PATJ: variants seen among roughly 807,000 people sequenced by gnomAD.
The protein encoded by PATJ is inaD-like protein.
Under a neutral mutation model 224.9 loss-of-function variants are expected in PATJ, and 190 were observed. That is an observed-to-expected ratio of 0.84 (90% CI 0.75 to 0.95). PATJ has a LOEUF of 0.95. Ranked by LOEUF, PATJ falls within the 40% of genes least tolerant of loss-of-function variation. The probability of loss-of-function intolerance (pLI) is 0.00; values close to 1 mark genes in which losing one functional copy is unlikely to be tolerated. For missense variants in PATJ, 2,121 were observed against 2,270.3 expected (o/e 0.93, Z 1.34); for synonymous variants, 769 against 820.3 (o/e 0.94, Z 1.07).
chr1:61,814,493 C>T (rs1389285069), intron 14 of PATJ, among the ~76,000 whole-genome samples: 1 of 150,118 alleles, frequency 6.7e-6, no homozygotes, highest in Non-Finnish European at 1.5e-5. Flanking sequence ...TATGTATTTG[C>T]AGTCAGTATT....
intron 21 of PATJ, among the ~76,000 whole-genome samples, chr1:61,880,658 GTTA>G (rs1359262331): frequency 1.3e-5 from 2 of 152,196 alleles, no homozygotes; most frequent in South Asian, 4.1e-4. Context: ...TAAAAGCTAT[GTTA>G]TTATTACTCA....
intron 29 of PATJ, among the ~76,000 whole-genome samples, chr1:62,029,049 T>C (rs1230856731): frequency 1.3e-5 from 2 of 152,172 alleles, no homozygotes; most frequent in African/African-American, 4.8e-5. Flanking sequence ...TTGGTTAATA[T>C]GTCTATCTTT....
intron 27 of PATJ, among the ~76,000 whole-genome samples, chr1:61,988,151 A>C (rs12563258): frequency 6.8e-4 from 103 of 152,274 alleles, no homozygotes; most frequent in African/African-American, 2.4e-3. Context: ...CTGACCCAAG[A>C]TCGCACCACT....
intron 31 of PATJ, among the ~76,000 whole-genome samples, chr1:62,076,983 T>A (rs1658409106): frequency 6.6e-6 from 1 of 152,188 alleles, no homozygotes; most frequent in African/African-American, 2.4e-5. Context: ...GTCTCCAAAG[T>A]GTCAGAGACC....
intron 33 of PATJ, among the ~76,000 whole-genome samples, chr1:62,096,185 G>A (rs943125765): frequency 3.3e-5 from 5 of 152,198 alleles, no homozygotes. Flanking sequence ...AAGAAGTATG[G>A]GAACTGAAAC....
At chr1:61,966,136 G>T (rs1341050590) in intron 27 of PATJ, among the ~76,000 whole-genome samples, 2 of 152,080 alleles carry the variant, frequency 1.3e-5, no homozygotes, top group African/African-American at 4.8e-5. Context: ...TCCTGACCTT[G>T]TGATCCACCC....
chr1:61,754,523 T>G (rs967879069), intron 1 of PATJ, among the ~76,000 whole-genome samples: 5,511 of 56,486 alleles, frequency 0.098, 308 homozygotes, highest in African/African-American at 0.24. Flanking sequence ...TTTGCATGTT[T>G]TTTTTTTTTT....
chr1:61,825,206 T>C (rs1221882049), intron 15 of PATJ, among the ~76,000 whole-genome samples: 1 of 152,206 alleles, frequency 6.6e-6, no homozygotes, highest in Non-Finnish European at 1.5e-5. Flanking sequence ...ATTATCACTG[T>C]GAAGAAGGCA....
At chr1:61,943,753 GA>G (rs1228570538) in intron 27 of PATJ, among the ~76,000 whole-genome samples, 1 of 152,212 alleles carries the variant, frequency 6.6e-6, no homozygotes, top group East Asian at 1.9e-4. Flanking sequence ...TCCCACCACA[GA>G]GTTTGAGATC....
rs71050181 is a variant in PATJ at position 61,910,536 on chromosome 1, CTTTTT to C, written c.3492+2078_3492+2082del. Among the ~76,000 whole-genome samples, 291 of 42,238 alleles carry C rather than the reference CTTTTT, an allele frequency of 6.9e-3. 1 individual carries two copies. Among genetic ancestry groups the C allele is most frequent in the African/African-American group, 0.022 (258 of 11,668 alleles). The allele number at this position is 42,238 out of a possible 152,430, so 27.7% of individuals were successfully genotyped here. A position where few individuals can be genotyped will look rare whatever the true frequency, so the allele number is the denominator to read the frequency against. The stretch of plus-strand genomic sequence containing the variant: ...ACTTTGTTTATAGGGCAAAGTGACT[CTTTTT>C]TTTTTTTTTTTTTTTTTTTTTTTGG... On this transcript the variant is annotated intron_variant, in intron 25 of 43. Transcript: ENST00000642238.
At chr1:61,925,379 A>G (rs747585137) in intron 26 of PATJ, among the ~76,000 whole-genome samples, 1 of 152,204 alleles carries the variant, frequency 6.6e-6, no homozygotes, top group Non-Finnish European at 1.5e-5. Flanking sequence ...CCCAACAAAT[A>G]ACTCTAAATG....
rs766727754 is a variant in PATJ at position 62,030,837 on chromosome 1, G to A, written c.3960-7140G>A. Reference sequence around the variant, plus strand: ...CATTTTTGAGATTTATCCATGTCGTGTTTATCAAAAGTTTGTTCCTTTAAT... The same window carrying A: ...CATTTTTGAGATTTATCCATGTCGTATTTATCAAAAGTTTGTTCCTTTAAT... On this transcript the variant is annotated intron_variant, in intron 29 of 43. Transcript: ENST00000642238. 1.2e-4 allele frequency among the ~76,000 whole-genome samples: 19 copies of A among 152,214 alleles called. No individual in the cohort carries two copies. In the Middle Eastern group the frequency reaches 0.014, roughly 109 times the overall value.
At chr1:62,146,857 G>C (rs576873445) in intron 41 of PATJ, among the ~76,000 whole-genome samples, 2 of 152,198 alleles carry the variant, frequency 1.3e-5, no homozygotes, top group East Asian at 3.9e-4. Context: ...GGTTGTGAGA[G>C]ACAGAGATGA....
At position 62,041,319 on chromosome 1, in the gene PATJ, C is replaced by T. The variant is rs558646951; in HGVS notation, c.4032+3270C>T. 1.7e-3 allele frequency among the ~76,000 whole-genome samples: 265 copies of T among 152,316 alleles called. 1 individual carries two copies. Among genetic ancestry groups the T allele is most frequent in the Middle Eastern group, 6.8e-3 (2 of 294 alleles). The stretch of plus-strand genomic sequence containing the variant: ...AGAGCAGAGGGTTTTCCTGCATCTG[C>T]TTCTTCCTAATTGCCTTCAGCTCAT... On this transcript the variant is annotated intron_variant, in intron 30 of 43. Coordinates refer to ENST00000642238, the MANE Select transcript of PATJ (RefSeq NM_001350145.3).
chr1:62,098,374 A>G (rs1661662203), intron 33 of PATJ, among the ~76,000 whole-genome samples: 1 of 151,396 alleles, frequency 6.6e-6, no homozygotes, highest in African/African-American at 2.4e-5. Flanking sequence ...AAAAAAGAAA[A>G]AAGAAAAAAA....
At chr1:62,026,488 C>G (rs11577208) in intron 29 of PATJ, among the ~76,000 whole-genome samples, 24,272 of 69,202 alleles carry the variant, frequency 0.35, 2,212 homozygotes, top group African/African-American at 0.5. Context: ...GTGTGTGTGT[C>G]TGTGTGTGTG....
chr1:61,780,175 C>T (rs1382958557), intron 7 of PATJ, among the ~76,000 whole-genome samples: 1 of 152,156 alleles, frequency 6.6e-6, no homozygotes, highest in South Asian at 2.1e-4. Flanking sequence ...CTTTAAAACA[C>T]ATCTGTGGCT....
rs561156254 is a variant in PATJ, at chr1:62,161,011, T to C, written c.5606T>C (p.Leu1869Pro). 1.5e-4 allele frequency: 236 copies of C among 1,607,022 alleles called. 1 individual carries two copies. The East Asian group carries it at 4.6e-3, about 31-fold the overall frequency. Residue 1869 changes from leucine to proline, a missense_variant, in exon 44 of 44, where the codon CTA (leucine) becomes CCA (proline). Coordinates refer to ENST00000642238, the MANE Select transcript of PATJ (RefSeq NM_001350145.3). ...GVTHEQAVAI[L>P]KHQRGTVTLT... ...ACTCATGAGCAAGCAGTCGCCATTC[T>C]AAAACACCAGAGAGGGACTGTAACC...
Position 61,833,763 on chromosome 1 carries a change from G to C in PATJ, c.2090G>C (p.Gly697Ala). The C allele has an allele frequency of 6.2e-7, 1 of 1,613,468 alleles. No homozygotes were observed. The highest frequency in any genetic ancestry group is 8.5e-7 in the Non-Finnish European group (1 of 1,179,626). Residue 697 changes from glycine to alanine, a missense_variant, in exon 17 of 44, where the codon GGA becomes GCA. Coordinates refer to ENST00000642238, the MANE Select transcript of PATJ (RefSeq NM_001350145.3). ...VELVKDCKGL[G>A]FSILDYQDPL... ...CTAGTAAAAGATTGTAAAGGTTTGG[G>C]ATTCAGCATTTTGGATTACCAGGTA...
Sources: allele counts gnomAD v4.1 joint callset (sites outside exome capture counted in the v4.1 genomes callset), GRCh38; gene constraint gnomAD v4.1.1; transcripts MANE v1.5; gene names NCBI Gene and HGNC (gene_info 2026-07-23, HGNC 2026-07-21).